Variants in CBX8 observed in about 807,000 individuals in gnomAD.
The protein encoded by CBX8 is chromobox protein homolog 8.
CBX8 carries 8 observed loss-of-function variants against 39.7 expected under a neutral mutation model. That is an observed-to-expected ratio of 0.20 (90% CI 0.12 to 0.36). CBX8 has a LOEUF of 0.36. CBX8 is among the 10% of genes least tolerant of loss of function. The pLI, the probability that CBX8 is intolerant of heterozygous loss-of-function variation, is 1.00. For missense variants in CBX8, 505 were observed against 529.6 expected (o/e 0.95, Z 0.46); for synonymous variants, 268 against 219.8 (o/e 1.22, Z -1.94).
rs761614234 is a variant in CBX8 at position 79,794,829 on chromosome 17, C to A, written c.976G>T (p.Ala326Ser). 1 of 1,608,610 alleles carries A rather than the reference C, an allele frequency of 6.2e-7. No individual in the cohort carries two copies. The highest frequency in any genetic ancestry group is 2.2e-5 in the East Asian group (1 of 44,830). ...SGGGLYRDMGAQGGRPSLIAR... is the reference protein window; with the variant it reads ...SGGGLYRDMGSQGGRPSLIAR... ...ATGAGGGAGGGCCTTCCCCCCTGGG[C>A]CCCCATGTCCCGGTACAGGCCCCCC... is the stretch of plus-strand genomic sequence containing the variant. Residue 326 changes from alanine (A) to serine (S), a missense_variant, in exon 5 of 5, where the codon GCC becomes TCC. Physicochemically the swap from Ala to Ser is moderately conservative, Grantham distance 99. This residue lies in a region of CBX8 where 456 missense variants were observed against 389.2 expected (regional missense o/e 1.17). Transcript: ENST00000269385.
At position 79,795,587 on chromosome 17, in the gene CBX8, G is replaced by A. The variant is rs776399536; in HGVS notation, c.247-29C>T. 21 of 1,478,620 alleles carry A rather than the reference G, an allele frequency of 1.4e-5. No homozygotes were observed. Among genetic ancestry groups the A allele is most frequent in the Non-Finnish European group, 8.1e-6 (9 of 1,114,988 alleles). 91.6% of individuals were successfully genotyped at this position (1,478,620 alleles called of 1,614,324 possible). On this transcript the variant is annotated intron_variant, in intron 4 of 4. Transcript: ENST00000269385. This position sits in a 1 kb window ranked among gnomAD's most constrained non-coding sequence, Gnocchi z 5.8. ...CAGGAGAGAAGATGGTCTCAAGAGTGGGGCAGGGCCCTGTCCACCCCCACA... is the reference window on the plus strand; with the variant it reads ...CAGGAGAGAAGATGGTCTCAAGAGTAGGGCAGGGCCCTGTCCACCCCCACA...
In CBX8 at chr17:79,794,496, A is replaced by C. The variant is rs1186765440; in HGVS notation, c.*139T>G. On this transcript the variant is annotated 3_prime_UTR_variant, in exon 5 of 5. Transcript: ENST00000269385. ...AACTGAGGGGGAGGAAGGAGGGATG[A>C]AAGGGGCTGGTGGGGTGGGGGTGAC... 5.4e-6 allele frequency: 3 copies of C among 553,554 alleles called. No individual in the cohort carries two copies. In the African/African-American group the frequency reaches 5.7e-5, roughly 11 times the overall value. The allele number at this position is 553,554 out of a possible 1,614,324, so 34.3% of individuals were successfully genotyped here.
chr17:79,796,246 G>C lies in CBX8; in HGVS notation c.179+4C>G, dbSNP rs771892086. The C allele has an allele frequency of 3.1e-6, 5 of 1,614,190 alleles. No homozygotes were observed. The highest frequency in any genetic ancestry group is 4.2e-6 in the Non-Finnish European group (5 of 1,180,024). On this transcript the variant is annotated splice_donor_region_variant and intron_variant, in intron 3 of 4. Coordinates refer to ENST00000269385, the MANE Select transcript of CBX8 (RefSeq NM_020649.3). ...GAGCGGCTGGGACTTGGAAGGGTCT[G>C]TACCTTTCCTCAAAGGCTGCGAGCA...
At position 79,797,028 on chromosome 17, in the gene CBX8, T is replaced by C. The variant is rs1339531071; in HGVS notation, c.-30A>G. ...ACTCGCCGCTTCCCCCCTTGGCCGC[T>C]TCCAGGAGCAGAAAAGCAGCAGCCA... On this transcript the variant is annotated 5_prime_UTR_variant, in exon 1 of 5. Coordinates refer to ENST00000269385, the MANE Select transcript of CBX8 (RefSeq NM_020649.3). 6.3e-7 allele frequency: 1 copy of C among 1,598,386 alleles called. No homozygotes were observed.
At position 79,795,846 on chromosome 17, in the gene CBX8, G is replaced by A. The variant is rs1908067177; in HGVS notation, c.246+211C>T. Among the ~76,000 whole-genome samples, 1 of 152,164 alleles carries A rather than the reference G, an allele frequency of 6.6e-6. No individual in the cohort carries two copies. The highest frequency in any genetic ancestry group is 1.5e-5 in the Non-Finnish European group (1 of 68,040). The stretch of plus-strand genomic sequence containing the variant: ...TGATTATTGTGTCCATTTGGGAGGG[G>A]GAGCGTAAAGGAATTCTAGTGTGGC... On this transcript the variant is annotated intron_variant, in intron 4 of 4. Transcript: ENST00000269385. The surrounding 1 kb of genome is among the most constrained non-coding windows in gnomAD (Gnocchi z 5.8).
At chr17:79,796,561 A>G (rs1475473076) in intron 1 of CBX8, 21 bp from the exon 2 acceptor site, 6 of 1,613,762 alleles carry the variant, frequency 3.7e-6, no homozygotes. Flanking sequence ...AAAGGCGATA[A>G]TGTGTGTGCA....
intron 1 of CBX8, 147 bp from the exon 2 acceptor site, chr17:79,796,687 ATGC>A: frequency 1.1e-6 from 1 of 877,348 alleles, no homozygotes; most frequent in Admixed American, 1.9e-5. Context: ...CCTGCACCTA[ATGC>A]TGCACAAAGT....
chr17:79,796,641 AC>A (rs1908104313), intron 1 of CBX8, 101 bp from the exon 2 acceptor site: 5 of 1,307,070 alleles, frequency 3.8e-6, no homozygotes, highest in Non-Finnish European at 5.3e-6. Context: ...AATGCTCGAA[AC>A]CCCGCCGCAA....
rs2145837552 is a variant in CBX8, at chr17:79,793,599, C to G, written c.*1036G>C. On this transcript the variant is annotated 3_prime_UTR_variant, in exon 5 of 5. Coordinates refer to ENST00000269385, the MANE Select transcript of CBX8 (RefSeq NM_020649.3). ...GGCCATGTGTCCACCACAGAGCTGG[C>G]GGCCCGCCCTCCCCAGGCAGGGAGG... The G allele has an allele frequency of 6.6e-6, 1 of 152,384 alleles. No homozygotes were observed. The highest frequency in any genetic ancestry group is 2.1e-4 in the South Asian group (1 of 4,832). 9.4% of individuals were successfully genotyped at this position (152,384 alleles called of 1,614,324 possible). A position where few individuals can be genotyped will look rare whatever the true frequency, so the allele number is the denominator to read the frequency against.
Position 79,792,686 on chromosome 17 carries a change from T to C in CBX8, c.*1949A>G, listed in dbSNP as rs1380272480. 1 of 152,284 alleles carries C rather than the reference T, an allele frequency of 6.6e-6. No homozygotes were observed. Among genetic ancestry groups the C allele is most frequent in the African/African-American group, 2.4e-5 (1 of 41,474 alleles). The allele number at this position is 152,284 out of a possible 1,614,324, so 9.4% of individuals were successfully genotyped here. The stretch of plus-strand genomic sequence containing the variant: ...TATACAAAGTCTAAAATACCAGTTT[T>C]ACAAATGTGAGTAGATAAAAATCCC... On this transcript the variant is annotated 3_prime_UTR_variant, in exon 5 of 5. Transcript: ENST00000269385.
Position 79,794,560 on chromosome 17 carries a change from A to G in CBX8, c.*75T>C. The G allele has an allele frequency of 8.2e-7, 1 of 1,214,560 alleles. No individual in the cohort carries two copies. The highest frequency in any genetic ancestry group is 1.1e-6 in the Non-Finnish European group (1 of 870,094). 75.2% of individuals were successfully genotyped at this position (1,214,560 alleles called of 1,614,324 possible). A position where few individuals can be genotyped will look rare whatever the true frequency, so the allele number is the denominator to read the frequency against. ...CCAGCCAAAAGGCCACATCCCACCC[A>G]GAAATAAAAATCACTATGCCAAGCT... is the stretch of plus-strand genomic sequence containing the variant. On this transcript the variant is annotated 3_prime_UTR_variant, in exon 5 of 5. Coordinates refer to ENST00000269385, the MANE Select transcript of CBX8 (RefSeq NM_020649.3).
Position 79,794,876 on chromosome 17 carries a change from C to G in CBX8, c.929G>C (p.Gly310Ala). 1.2e-6 allele frequency: 2 copies of G among 1,611,382 alleles called. No individual in the cohort carries two copies. The highest frequency in any genetic ancestry group is 1.7e-6 in the Non-Finnish European group (2 of 1,178,722). ...CCCCCCAGAGCTGGGGGGGCCTGAG[C>G]CATGTCGGACCCGGGTGCCATTGGG... Reference protein sequence around the residue: ...LDPNGTRVRHGSGPPSSGGGL... With the variant: ...LDPNGTRVRHASGPPSSGGGL... Residue 310 changes from glycine (G) to alanine (A), a missense_variant, in exon 5 of 5, where the codon GGC (glycine) becomes GCC (alanine). Transcript: ENST00000269385.
chr17:79,794,105 T>A lies in CBX8; in HGVS notation c.*530A>T, dbSNP rs949686250. The A allele has an allele frequency of 6.6e-6, 1 of 151,808 alleles. No individual in the cohort carries two copies. The highest frequency in any genetic ancestry group is 2.4e-5 in the African/African-American group (1 of 41,372). The allele number at this position is 151,808 out of a possible 1,614,324, so 9.4% of individuals were successfully genotyped here. A position where few individuals can be genotyped will look rare whatever the true frequency, so the allele number is the denominator to read the frequency against. On this transcript the variant is annotated 3_prime_UTR_variant, in exon 5 of 5. Coordinates refer to ENST00000269385, the MANE Select transcript of CBX8 (RefSeq NM_020649.3). ...GACCCCACCCCCCCTTTTTTCTGAT[T>A]GGGGAGCCAACCTTTTGTTGGCCTG...
At position 79,797,050 on chromosome 17, in the gene CBX8, G is replaced by T; in HGVS notation, c.-52C>A. ...CGCTTCCAGGAGCAGAAAAGCAGCA[G>T]CCAGCGCACGACAGACCATAATACT... On this transcript the variant is annotated 5_prime_UTR_variant, in exon 1 of 5. The change creates a new upstream start codon in the 5' untranslated region. Transcript: ENST00000269385. 1 of 1,558,538 alleles carries T rather than the reference G, an allele frequency of 6.4e-7. No individual in the cohort carries two copies. Among genetic ancestry groups the T allele is most frequent in the Non-Finnish European group, 8.7e-7 (1 of 1,144,780 alleles).
rs530462604 is a variant in CBX8, at chr17:79,796,407, G to A, written c.113+90C>T. ...TGTGTGTAACTTTTCTCATTGCATT[G>A]TATTGTATTTCAATGTAAAGGCAAA... On this transcript the variant is annotated intron_variant, in intron 2 of 4. Coordinates refer to ENST00000269385, the MANE Select transcript of CBX8 (RefSeq NM_020649.3). 1.8e-5 allele frequency: 28 copies of A among 1,593,564 alleles called. No individual in the cohort carries two copies. In the East Asian group the frequency reaches 6.3e-4, roughly 36 times the overall value.
chr17:79,796,791 T>G (rs1320474493), intron 1 of CBX8, 139 bp downstream of exon 1: 3 of 658,108 alleles, frequency 4.6e-6, no homozygotes, highest in Non-Finnish European at 7.0e-6. Context: ...GGCTCAGAGC[T>G]GCCGCCGCCG....
rs1343395334 is a variant in CBX8, at chr17:79,794,946, G to A, written c.859C>T (p.His287Tyr). ...TTGGCCTCCAGGAAGGCAGCCCTGT[G>A]CTTTATCACCCTGGCCGGGAAGGTG... ...VDTFPARVIK[H>Y]RAAFLEAKGQ... The change falls in exon 5 of 5, where the codon CAC becomes TAC. Residue 287 changes from histidine to tyrosine, a missense_variant. By Grantham distance (83) the His-to-Tyr change is moderately conservative (BLOSUM62 2). This residue lies in a region of CBX8 where 456 missense variants were observed against 389.2 expected (regional missense o/e 1.17). Transcript: ENST00000269385. 1 of 1,606,762 alleles carries A rather than the reference G, an allele frequency of 6.2e-7. No individual in the cohort carries two copies. The highest frequency in any genetic ancestry group is 1.7e-5 in the Admixed American group (1 of 59,118).
Position 79,793,075 on chromosome 17 carries a change from G to A in CBX8, c.*1560C>T, listed in dbSNP as rs1907937001. 6.6e-6 allele frequency: 1 copy of A among 152,236 alleles called. No individual in the cohort carries two copies. 9.4% of individuals were successfully genotyped at this position (152,236 alleles called of 1,614,324 possible). A position where few individuals can be genotyped will look rare whatever the true frequency, so the allele number is the denominator to read the frequency against. On this transcript the variant is annotated 3_prime_UTR_variant, in exon 5 of 5. Transcript: ENST00000269385. ...TCCAAGAGACGGGGGTGGAGTGGAG[G>A]GGACTGATTTGTGCTTTTGAGTCAA...
At chr17:79,796,885 G>T in intron 1 of CBX8, 45 bp downstream of exon 1, 1 of 1,537,262 alleles carries the variant, frequency 6.5e-7, no homozygotes. Flanking sequence ...GGGCCGGGAG[G>T]GGAGGGCCCG....
Sources: allele counts gnomAD v4.1 joint callset (sites outside exome capture counted in the v4.1 genomes callset), GRCh38; gene constraint gnomAD v4.1.1; regional missense constraint gnomAD v4.1.1; non-coding constraint Gnocchi (gnomAD v3.1); transcripts MANE v1.5; gene names NCBI Gene and HGNC (gene_info 2026-07-23, HGNC 2026-07-21).